Variants in ZFHX3 observed in about 807,000 individuals in gnomAD.
ZFHX3 encodes zinc finger homeobox protein 3.
ZFHX3 carries 42 observed loss-of-function variants against 279.1 expected under a neutral mutation model. The observed-to-expected ratio is 0.15, with a 90% CI of 0.12 to 0.19. The LOEUF (loss-of-function observed/expected upper bound fraction) is 0.19. Among genes scored for constraint, ZFHX3 ranks in the 10% least tolerant of loss-of-function variants. The pLI is 1.00. For synonymous variants in ZFHX3, 2,293 were observed against 1,957.8 expected, an observed-to-expected ratio of 1.17 and a Z score of -4.52; for missense variants, 4,981 against 4,754.0, an observed-to-expected ratio of 1.05 and a Z score of -1.40.
At chr16:73,622,454 C>A (rs774504412) in intron 2 of ZFHX3, among the ~76,000 whole-genome samples, 3 of 152,068 alleles carry the variant, frequency 2.0e-5, no homozygotes, top group Non-Finnish European at 2.9e-5. Flanking sequence ...CCCAGCTACT[C>A]GGGAGGCTGA....
intron 3 of ZFHX3, among the ~76,000 whole-genome samples, chr16:73,442,414 T>C (rs2018110574): frequency 6.6e-6 from 1 of 151,868 alleles, no homozygotes; most frequent in African/African-American, 2.4e-5. Flanking sequence ...GCTGGAGTGC[T>C]GTAGCACGAT....
intron 3 of ZFHX3, among the ~76,000 whole-genome samples, chr16:73,385,190 C>T (rs773757012): frequency 6.6e-6 from 1 of 152,120 alleles, no homozygotes; most frequent in African/African-American, 2.4e-5. Context: ...CAGGATGTTC[C>T]CATGGGTTTT....
upstream of ZFHX3, among the ~76,000 whole-genome samples, chr16:73,053,103 T>G (rs1222851597): frequency 2.0e-5 from 3 of 152,154 alleles, no homozygotes; most frequent in South Asian, 2.1e-4. Flanking sequence ...TTTTTTAACC[T>G]AAAACCCATC....
chr16:73,867,263 C>A (rs1488668612), intron 1 of ZFHX3, among the ~76,000 whole-genome samples: 1 of 152,106 alleles, frequency 6.6e-6, no homozygotes, highest in African/African-American at 2.4e-5. Context: ...CAAACCAACA[C>A]TTCGACATTT....
intron 1 of ZFHX3, among the ~76,000 whole-genome samples, chr16:72,978,259 C>G (rs1366228705): frequency 2.0e-5 from 3 of 152,210 alleles, no homozygotes; most frequent in African/African-American, 7.2e-5. Context: ...GCTACAAGGC[C>G]TCTTGTTAAT....
rs1199682928 is a variant in ZFHX3 at position 72,808,982 on chromosome 16, C to G, written c.3864+2595G>C. Among the ~76,000 whole-genome samples the G allele has an allele frequency of 2.0e-5, 3 of 152,210 alleles. No individual in the cohort carries two copies. The East Asian group carries it at 5.8e-4, about 29-fold the overall frequency. ...TCCAAAGGTGCTAGTTAATGGGTAA[C>G]TTCCAGAAATCTCTTAGGGATTGGC... is the stretch of plus-strand genomic sequence containing the variant. On this transcript the variant is annotated intron_variant, in intron 7 of 9. Transcript: ENST00000268489.
At chr16:73,271,440 G>T (rs1193510835) in intron 4 of ZFHX3, among the ~76,000 whole-genome samples, 1 of 152,138 alleles carries the variant, frequency 6.6e-6, no homozygotes, top group South Asian at 2.1e-4. Flanking sequence ...GCTCCGGAGG[G>T]GCAGCACAGC....
chr16:73,115,354 A>G (rs1403176388), intron 7 of ZFHX3, among the ~76,000 whole-genome samples: 3 of 148,040 alleles, frequency 2.0e-5, no homozygotes, highest in Admixed American at 6.8e-5. Context: ...CAGCCTGGAC[A>G]ACATAATGGG....
chr16:73,765,310 T>C (rs79672392), intron 1 of ZFHX3, among the ~76,000 whole-genome samples: 2,871 of 152,322 alleles, frequency 0.019, 34 homozygotes, highest in Middle Eastern at 0.027. Context: ...CTTGTTTGAA[T>C]GGGAAACATT....
intron 5 of ZFHX3, among the ~76,000 whole-genome samples, chr16:73,166,275 T>TACAC (rs2144861185): frequency 6.6e-6 from 1 of 152,240 alleles, no homozygotes; most frequent in East Asian, 1.9e-4. Flanking sequence ...TTATGGGGCT[T>TACAC]CATACACCAG....
intron 3 of ZFHX3, among the ~76,000 whole-genome samples, chr16:72,938,606 C>T (rs1960245726): frequency 6.6e-6 from 1 of 152,222 alleles, no homozygotes; most frequent in South Asian, 2.1e-4. Context: ...ACAGAGGTGT[C>T]ACTCGAGAAC....
chr16:73,475,183 C>T (rs2018743865), intron 2 of ZFHX3, among the ~76,000 whole-genome samples: 1 of 152,098 alleles, frequency 6.6e-6, no homozygotes, highest in Admixed American at 6.5e-5. Context: ...TAAAAGATAG[C>T]GCTGGGAATA....
At chr16:73,887,353 C>T (rs1412128546) in intron 1 of ZFHX3, among the ~76,000 whole-genome samples, 1 of 151,938 alleles carries the variant, frequency 6.6e-6, no homozygotes, top group Non-Finnish European at 1.5e-5. Context: ...GGCCTGTGCT[C>T]CAAAGAAAAA....
intron 3 of ZFHX3, among the ~76,000 whole-genome samples, chr16:72,922,392 G>A (rs188270341): frequency 1.5e-3 from 222 of 152,290 alleles, no homozygotes; most frequent in African/African-American, 5.2e-3. Flanking sequence ...TCTGTCACTT[G>A]TTAGTTCTCT....
At chr16:73,003,575 G>A (rs970179494) in intron 1 of ZFHX3, among the ~76,000 whole-genome samples, 10 of 149,894 alleles carry the variant, frequency 6.7e-5, no homozygotes, top group African/African-American at 1.7e-4. Context: ...GAGTGATGGC[G>A]GGCGCCTGTA....
chr16:73,051,695 C>G (rs187820347), upstream of ZFHX3, among the ~76,000 whole-genome samples: 3 of 152,230 alleles, frequency 2.0e-5, no homozygotes, highest in Admixed American at 2.0e-4. Flanking sequence ...GCTGTGATTT[C>G]GGAGAGTTTT....
intron 3 of ZFHX3, among the ~76,000 whole-genome samples, chr16:72,935,468 C>T (rs914583037): frequency 6.6e-6 from 1 of 152,128 alleles, no homozygotes; most frequent in African/African-American, 2.4e-5. Context: ...TGGCCGGGTG[C>T]GGTAGCTCAC....
intron 1 of ZFHX3, among the ~76,000 whole-genome samples, chr16:73,854,194 A>G (rs1961660089): frequency 6.6e-6 from 1 of 152,174 alleles, no homozygotes. Context: ...TTACTGTTTC[A>G]GGTTCTCTTT....
At chr16:73,757,755 G>A (rs1267962468) in intron 1 of ZFHX3, among the ~76,000 whole-genome samples, 1 of 152,168 alleles carries the variant, frequency 6.6e-6, no homozygotes, top group African/African-American at 2.4e-5. Flanking sequence ...CATTTCACCA[G>A]CGTGAAGTGA....
Sources: allele counts gnomAD v4.1 joint callset (sites outside exome capture counted in the v4.1 genomes callset), GRCh38; gene constraint gnomAD v4.1.1; transcripts MANE v1.5; gene names NCBI Gene and HGNC (gene_info 2026-07-23, HGNC 2026-07-21).